Variants in SPOPL observed in about 807,000 individuals in gnomAD.
The protein encoded by SPOPL is speckle-type POZ protein-like.
Under a neutral mutation model 53.8 loss-of-function variants are expected in SPOPL, and 23 were observed. That is an observed-to-expected ratio of 0.43 (90% CI 0.31 to 0.61). SPOPL has a LOEUF of 0.61. Ranked by LOEUF, SPOPL falls within the 20% of genes least tolerant of loss-of-function variation. SPOPL has a pLI of 0.12. For synonymous variants in SPOPL, 164 were observed against 149.7 expected (o/e 1.10, Z -0.70); for missense variants, 442 against 466.9 (o/e 0.95, Z 0.49).
chr2:138,527,019 C>T (rs1684690935), intron 1 of SPOPL, among the ~76,000 whole-genome samples: 1 of 152,136 alleles, frequency 6.6e-6, no homozygotes, highest in African/African-American at 2.4e-5. Context: ...AGCCATGGCA[C>T]CCAACCTGAG....
intron 1 of SPOPL, among the ~76,000 whole-genome samples, chr2:138,520,401 A>G (rs1558863847): frequency 1.3e-5 from 2 of 152,198 alleles, no homozygotes; most frequent in East Asian, 1.9e-4. Context: ...GCTTAAAAAT[A>G]TATACATACC....
intron 10 of SPOPL, 28 bp from the exon 11 acceptor site, chr2:138,568,908 G>GTA (rs1558884180): frequency 6.2e-7 from 1 of 1,611,478 alleles, no homozygotes; most frequent in East Asian, 2.2e-5. Flanking sequence ...GTATTCTTTA[G>GTA]TAAATATCTT....
chr2:138,538,276 C>A (rs534087005), intron 1 of SPOPL, among the ~76,000 whole-genome samples: 7 of 152,090 alleles, frequency 4.6e-5, no homozygotes, highest in Non-Finnish European at 1.0e-4. Flanking sequence ...CTTCCTCGTT[C>A]TCTGCATCAT....
intron 5 of SPOPL, among the ~76,000 whole-genome samples, chr2:138,556,921 C>T (rs1037366353): frequency 1.1e-4 from 16 of 152,266 alleles, no homozygotes; most frequent in East Asian, 1.9e-4. Context: ...CTTTGGGAGG[C>T]TGAGGCGGGT....
At chr2:138,502,484 A>C (rs570606962) in intron 1 of SPOPL, among the ~76,000 whole-genome samples, 2 of 151,718 alleles carry the variant, frequency 1.3e-5, no homozygotes, top group African/African-American at 4.8e-5. Context: ...GCCCCTTTTT[A>C]CCTGAGTGCT....
At chr2:138,502,760 C>T (rs570717666) in intron 1 of SPOPL, among the ~76,000 whole-genome samples, 1 of 152,322 alleles carries the variant, frequency 6.6e-6, no homozygotes, top group East Asian at 1.9e-4. Flanking sequence ...AAAGAGCCCA[C>T]TTGTATTCCT....
At chr2:138,546,535 G>A (rs531602767) in intron 1 of SPOPL, among the ~76,000 whole-genome samples, 2 of 152,204 alleles carry the variant, frequency 1.3e-5, no homozygotes, top group African/African-American at 4.8e-5. Context: ...TTTGTTCTTT[G>A]TTCTAATATT....
At chr2:138,517,487 TC>T (rs1379533801) in intron 1 of SPOPL, among the ~76,000 whole-genome samples, 16 of 152,162 alleles carry the variant, frequency 1.1e-4, no homozygotes, top group African/African-American at 3.4e-4. Flanking sequence ...ACGCCTGTAA[TC>T]CCAGCAGTTT....
rs149357804 is a variant in SPOPL, at chr2:138,568,945, C to T, written c.1044C>T (p.Thr348=). Residue 348 remains threonine (T), a synonymous_variant, in exon 11 of 11, where the codon ACC becomes ACT. Coordinates refer to ENST00000280098, the MANE Select transcript of SPOPL (RefSeq NM_001001664.3). ...DGKNWNSNQA[T]DIMETSGWKS... is the part of the protein sequence containing the mutation. ...TAATTCTATTTTTCAGCCAAGCAAC[C>T]GACATAATGGAAACATCAGGGTGGA... 26 of 1,613,248 alleles carry T rather than the reference C, an allele frequency of 1.6e-5. No homozygotes were observed. The highest frequency in any genetic ancestry group is 4.4e-5 in the South Asian group (4 of 90,906).
At chr2:138,550,732 C>A in intron 3 of SPOPL, 128 bp downstream of exon 3, 1 of 1,423,062 alleles carries the variant, frequency 7.0e-7, no homozygotes, top group Non-Finnish European at 9.5e-7. Context: ...GTAGTATGTT[C>A]CTAATAGTGT....
Position 138,552,544 on chromosome 2 carries a change from T to G in SPOPL, c.353-10T>G. On this transcript the variant is annotated splice_polypyrimidine_tract_variant and intron_variant, in intron 4 of 10. Coordinates refer to ENST00000280098, the MANE Select transcript of SPOPL (RefSeq NM_001001664.3). ...TTATTTTATTTAAACTCTATTCTGT[T>G]TTCCACCAGAAAGCCAAAGAGCATA... 6.2e-7 allele frequency: 1 copy of G among 1,601,754 alleles called. No individual in the cohort carries two copies. Among genetic ancestry groups the G allele is most frequent in the Non-Finnish European group, 8.5e-7 (1 of 1,176,312 alleles).
At chr2:138,540,431 G>T (rs1306310164) in intron 1 of SPOPL, among the ~76,000 whole-genome samples, 1 of 152,166 alleles carries the variant, frequency 6.6e-6, no homozygotes, top group East Asian at 1.9e-4. Flanking sequence ...TTGAGCAGTG[G>T]TTTGTAGTTC....
intron 1 of SPOPL, among the ~76,000 whole-genome samples, chr2:138,507,199 TTAAAA>T (rs1359318178): frequency 1.3e-5 from 2 of 152,206 alleles, no homozygotes; most frequent in East Asian, 1.9e-4. Context: ...CAATCCTAAA[TTAAAA>T]TAAAATATTA....
chr2:138,538,066 A>G (rs1453998197), intron 1 of SPOPL, among the ~76,000 whole-genome samples: 1 of 152,158 alleles, frequency 6.6e-6, no homozygotes, highest in Admixed American at 6.5e-5. Flanking sequence ...TTCAACTGCA[A>G]TCAGAGAGGA....
chr2:138,537,605 C>A (rs1029413447), intron 1 of SPOPL, among the ~76,000 whole-genome samples: 1 of 152,154 alleles, frequency 6.6e-6, no homozygotes, highest in Non-Finnish European at 1.5e-5. Flanking sequence ...GAAGGGTGGT[C>A]TTCTCCCTTA....
chr2:138,547,492 TTTTC>T (rs763857147), intron 1 of SPOPL, among the ~76,000 whole-genome samples: 57 of 152,196 alleles, frequency 3.7e-4, no homozygotes, highest in Admixed American at 9.8e-4. Context: ...CAGGTTAATG[TTTTC>T]TTTGATTTCT....
At chr2:138,529,529 T>C (rs1259016286) in intron 1 of SPOPL, among the ~76,000 whole-genome samples, 107 of 133,814 alleles carry the variant, frequency 8.0e-4, no homozygotes, top group Non-Finnish European at 1.1e-3. Flanking sequence ...TGTGTGTGTG[T>C]GTGTGTTTGC....
chr2:138,529,899 A>AGG (rs1684769634), intron 1 of SPOPL, among the ~76,000 whole-genome samples: 1 of 152,148 alleles, frequency 6.6e-6, no homozygotes, highest in African/African-American at 2.4e-5. Context: ...TTTGTTGTAC[A>AGG]GATTATTTCG....
chr2:138,551,055 G>A lies in SPOPL; in HGVS notation c.352+1G>A, dbSNP rs138027580. On this transcript the variant is annotated splice_donor_variant, in intron 4 of 10. Coordinates refer to ENST00000280098, the MANE Select transcript of SPOPL (RefSeq NM_001001664.3). LOFTEE classifies it high-confidence loss of function. ...AAAAGGGAAGAAACAAAAGCAATGG[G>A]TAAGTGATTTGCAAACTAAGTGAAG... 2.5e-6 allele frequency: 4 copies of A among 1,612,342 alleles called. No homozygotes were observed. The highest frequency in any genetic ancestry group is 1.7e-6 in the Non-Finnish European group (2 of 1,179,160).
Sources: gnomAD v4.1 joint callset for allele counts (sites outside exome capture counted in the v4.1 genomes callset) on GRCh38, gnomAD v4.1.1 for gene constraint, MANE v1.5 for transcripts, NCBI Gene and HGNC (gene_info 2026-07-23, HGNC 2026-07-21) for gene names.